ANAPC1: variants seen among roughly 807,000 people sequenced by gnomAD.
ANAPC1 encodes anaphase promoting complex subunit 1.
Under a neutral mutation model 208.0 loss-of-function variants are expected in ANAPC1, and 36 were observed. The ratio of observed to expected loss-of-function variants is 0.17; its 90% CI spans 0.13 to 0.23. The LOEUF is 0.23. Among genes scored for constraint, ANAPC1 ranks in the 10% least tolerant of loss-of-function variants. The pLI, the probability that ANAPC1 is intolerant of heterozygous loss-of-function variation, is 1.00. For missense variants in ANAPC1, 942 were observed against 2,011.6 expected (o/e 0.47, Z 10.17); for synonymous variants, 378 against 695.2 (o/e 0.54, Z 7.18).
intron 39 of ANAPC1, among the ~76,000 whole-genome samples, chr2:111,787,081 G>A (rs1193105629): frequency 5.5e-5 from 8 of 145,506 alleles, no homozygotes; most frequent in Middle Eastern, 3.6e-3. Flanking sequence ...CCCGGGAGGC[G>A]GAGCTTGCAG....
At chr2:111,781,032 T>C (rs903176154) in intron 43 of ANAPC1, among the ~76,000 whole-genome samples, 6 of 151,152 alleles carry the variant, frequency 4.0e-5, no homozygotes, top group Non-Finnish European at 7.4e-5. Context: ...ATGCACTTAG[T>C]ATTACTGAGC....
chr2:111,789,556 G>T (rs1321923188), intron 38 of ANAPC1, among the ~76,000 whole-genome samples: 1 of 145,992 alleles, frequency 6.8e-6, no homozygotes, highest in Non-Finnish European at 1.5e-5. Flanking sequence ...GGATTAGAAA[G>T]AAGAGATTTC....
In ANAPC1 at chr2:111,846,732, G is replaced by A. The variant is rs186341973; in HGVS notation, c.1852+406C>T. On this transcript the variant is annotated intron_variant, in intron 16 of 47. Transcript: ENST00000341068. ...TTACAGAAGTGCGCCACCACACCCC[G>A]CTGATTTTTGTATTTTTAGTAGAGA... Among the ~76,000 whole-genome samples the A allele has an allele frequency of 5.3e-3, 798 of 151,454 alleles. 3 individuals are homozygous for A. The highest frequency in any genetic ancestry group is 0.011 in the African/African-American group (467 of 41,302).
Position 111,850,917 on chromosome 2 carries a change from G to A in ANAPC1, c.1516-7C>T. On this transcript the variant is annotated splice_region_variant and splice_polypyrimidine_tract_variant and intron_variant, in intron 13 of 47. Coordinates refer to ENST00000341068, the MANE Select transcript of ANAPC1 (RefSeq NM_022662.4). ...GAATAAAAACCTTTCCCACCTTTAA[G>A]CAATAAAAACATGTGGAAAAAAAAA... is the stretch of plus-strand genomic sequence containing the variant. The A allele has an allele frequency of 1.9e-6, 3 of 1,586,022 alleles. No homozygotes were observed. The highest frequency in any genetic ancestry group is 2.6e-6 in the Non-Finnish European group (3 of 1,173,226).
intron 8 of ANAPC1, 105 bp from the exon 9 acceptor site, chr2:111,864,000 C>T (rs576008323): frequency 2.4e-4 from 321 of 1,344,466 alleles, no homozygotes; most frequent in South Asian, 1.1e-3. Flanking sequence ...ACTAAAGACA[C>T]AGTATTTCTT....
intron 39 of ANAPC1, among the ~76,000 whole-genome samples, chr2:111,787,140 C>T (rs1320441828): frequency 7.0e-6 from 1 of 142,600 alleles, no homozygotes; most frequent in Non-Finnish European, 1.5e-5. Context: ...CAGAGCGAGA[C>T]TCTATCTCGA....
At chr2:111,883,684 C>G (rs1470170252) in intron 1 of ANAPC1, among the ~76,000 whole-genome samples, 2 of 152,180 alleles carry the variant, frequency 1.3e-5, no homozygotes, top group African/African-American at 4.8e-5. Context: ...AGTCTGAAAG[C>G]TGAGGCTGCA....
chr2:111,833,040 T>C (rs1680245664), intron 20 of ANAPC1, among the ~76,000 whole-genome samples, 180 bp downstream of exon 20: 1 of 151,258 alleles, frequency 6.6e-6, no homozygotes, highest in Non-Finnish European at 1.5e-5. Context: ...ACACTGAAGA[T>C]ATTATGGCTT....
intron 6 of ANAPC1, among the ~76,000 whole-genome samples, chr2:111,869,405 G>T (rs1471090118): frequency 6.6e-6 from 1 of 152,054 alleles, no homozygotes; most frequent in Non-Finnish European, 1.5e-5. Flanking sequence ...CACCACGCTT[G>T]GCTAATTTTT....
chr2:111,825,313 A>T, intron 22 of ANAPC1, 146 bp from the exon 23 acceptor site: 1 of 1,183,426 alleles, frequency 8.5e-7, no homozygotes, highest in Non-Finnish European at 1.2e-6. Flanking sequence ...GCAGGCTGAA[A>T]AGTACAGTCA....
chr2:111,798,965 C>T (rs1245318634), intron 34 of ANAPC1, among the ~76,000 whole-genome samples: 2 of 148,430 alleles, frequency 1.3e-5, no homozygotes, highest in African/African-American at 2.5e-5. Flanking sequence ...ACCTGGGAGG[C>T]GGAGCTTGCA....
At chr2:111,795,406 A>T (rs1678114406) in intron 34 of ANAPC1, among the ~76,000 whole-genome samples, 1 of 149,094 alleles carries the variant, frequency 6.7e-6, no homozygotes, top group Non-Finnish European at 1.5e-5. Context: ...TAATAATAAT[A>T]ATTAAATAGG....
In ANAPC1 at chr2:111,880,595, T is replaced by A. The variant is rs1359839190; in HGVS notation, c.213+18A>T. 8.2e-6 allele frequency: 13 copies of A among 1,593,876 alleles called. No individual in the cohort carries two copies. The highest frequency in any genetic ancestry group is 4.5e-4 in the Middle Eastern group (2 of 4,412). On this transcript the variant is annotated intron_variant, in intron 2 of 47. Transcript: ENST00000341068. ...ATCACTCTACATTTCAAAAACACAA[T>A]GGGAAACTCAATGGAACCTTCTGTT...
intron 11 of ANAPC1, 61 bp from the exon 12 acceptor site, chr2:111,856,947 T>C: frequency 7.6e-7 from 1 of 1,312,106 alleles, no homozygotes; most frequent in Non-Finnish European, 1.1e-6. Context: ...GTATTAAAAG[T>C]ATTATACTGA....
At chr2:111,770,973 G>A (rs1423788754) in intron 47 of ANAPC1, 2 of 154,022 alleles carry the variant, frequency 1.3e-5, no homozygotes, top group African/African-American at 2.4e-5. Flanking sequence ...TAAAAATTGC[G>A]GGGGCTCTGG....
intron 43 of ANAPC1, chr2:111,780,670 G>A (rs80272729): frequency 0.25 from 53,614 of 211,140 alleles, 7,046 homozygotes; most frequent in African/African-American, 0.37. Context: ...CTCCTTCACT[G>A]ACTAATTAAA....
At chr2:111,784,476 T>TA in intron 40 of ANAPC1, 76 bp from the exon 41 acceptor site, 1 of 1,550,784 alleles carries the variant, frequency 6.4e-7, no homozygotes. Flanking sequence ...ATCTCCACGC[T>TA]ATACCTCCCC....
chr2:111,775,990 G>A (rs1477926889), intron 46 of ANAPC1, among the ~76,000 whole-genome samples: 2 of 152,164 alleles, frequency 1.3e-5, no homozygotes, highest in East Asian at 3.9e-4. Context: ...CTCACAACTT[G>A]GTTTACAATT....
At position 111,837,954 on chromosome 2, in the gene ANAPC1, G is replaced by A. The variant is rs559817785; in HGVS notation, c.2115+484C>T. Among the ~76,000 whole-genome samples the A allele has an allele frequency of 1.2e-4, 18 of 151,814 alleles. No individual in the cohort carries two copies. In the South Asian group the frequency reaches 1.5e-3, roughly 12 times the overall value. ...ACAAAAATTAGCTGGGCATGGTGGC[G>A]GGCGCCTGTAATCCCAGCTATTCAG... is the stretch of plus-strand genomic sequence containing the variant. On this transcript the variant is annotated intron_variant, in intron 18 of 47. Coordinates refer to ENST00000341068, the MANE Select transcript of ANAPC1 (RefSeq NM_022662.4).
Sources: gnomAD v4.1 joint callset for allele counts (sites outside exome capture counted in the v4.1 genomes callset) on GRCh38, gnomAD v4.1.1 for gene constraint, MANE v1.5 for transcripts, NCBI Gene and HGNC (gene_info 2026-07-23, HGNC 2026-07-21) for gene names.